KIF20A: variants seen among roughly 807,000 people sequenced by gnomAD.
The protein encoded by KIF20A is kinesin family member 20A.
In KIF20A, 66 loss-of-function variants were observed where a neutral mutation model predicts 113.0. That is an observed-to-expected ratio of 0.58 (90% confidence interval 0.48 to 0.72). The LOEUF is 0.72. KIF20A is among the 30% of genes least tolerant of loss of function. KIF20A has a pLI of 0.00. For synonymous variants in KIF20A, 376 were observed against 402.3 expected (o/e 0.93, Z 0.78); for missense variants, 927 against 1,077.6 (o/e 0.86, Z 1.96).
At position 138,184,021 on chromosome 5, in the gene KIF20A, G is replaced by A. The variant is rs1452311948; in HGVS notation, c.1268G>A (p.Arg423Gln). The change falls in exon 11 of 19, where the codon CGG becomes CAG. Residue 423 changes from arginine (R) to glutamine (Q), a missense_variant. By Grantham distance (43) the Arg-to-Gln change is conservative. Coordinates refer to ENST00000394894, the MANE Select transcript of KIF20A (RefSeq NM_005733.3). Reference sequence around the variant, plus strand: ...TGCAAAGATCAGAAGAGTGGTGAACGGTTGAAGGAAGCAGGAAACATTAAC... The same window carrying A: ...TGCAAAGATCAGAAGAGTGGTGAACAGTTGAAGGAAGCAGGAAACATTAAC... ...ERCKDQKSGE[R>Q]LKEAGNINTS... The A allele has an allele frequency of 3.1e-6, 5 of 1,614,166 alleles. No individual in the cohort carries two copies. Among genetic ancestry groups the A allele is most frequent in the South Asian group, 1.1e-5 (1 of 91,076 alleles).
chr5:138,180,573 A>G (rs930101480), intron 2 of KIF20A, among the ~76,000 whole-genome samples: 6 of 152,196 alleles, frequency 3.9e-5, no homozygotes, highest in African/African-American at 1.4e-4. Flanking sequence ...ATAAAGTTCC[A>G]TGAGAGCATG....
At position 138,184,040 on chromosome 5, in the gene KIF20A, C is replaced by T; in HGVS notation, c.1287C>T (p.Asn429=). 6.2e-7 allele frequency: 1 copy of T among 1,614,176 alleles called. No individual in the cohort carries two copies. The highest frequency in any genetic ancestry group is 1.1e-5 in the South Asian group (1 of 91,084). ...KSGERLKEAG[N]INTSLHTLGR... ...GTGAACGGTTGAAGGAAGCAGGAAA[C>T]ATTAACACCTCTCTACACACCCTGG... The change falls in exon 11 of 19, where the codon AAC becomes AAT. Residue 429 remains asparagine, a synonymous_variant. Transcript: ENST00000394894.
At position 138,182,605 on chromosome 5, in the gene KIF20A, G is replaced by A; in HGVS notation, c.534G>A (p.Gly178=). The A allele has an allele frequency of 6.2e-7, 1 of 1,614,146 alleles. No individual in the cohort carries two copies. Among genetic ancestry groups the A allele is most frequent in the Non-Finnish European group, 8.5e-7 (1 of 1,180,030 alleles). The stretch of plus-strand genomic sequence containing the variant: ...CTCCAGGTACCATCAAGGATGGAGG[G>A]ATTCTCCCCCGGTCCCTGGCGCTGA... ...HTIQGTIKDG[G]ILPRSLALIF... The change falls in exon 6 of 19, where the codon GGG becomes GGA. Residue 178 remains glycine, a synonymous_variant. Coordinates refer to ENST00000394894, the MANE Select transcript of KIF20A (RefSeq NM_005733.3).
chr5:138,179,554 G>A, intron 1 of KIF20A, 106 bp from the exon 2 acceptor site: 1 of 796,568 alleles, frequency 1.3e-6, no homozygotes, highest in Non-Finnish European at 2.0e-6. Context: ...AAAGAAGTAG[G>A]AAGCGGGACA....
intron 1 of KIF20A, 21 bp from the exon 2 acceptor site, chr5:138,179,639 C>G (rs1436313812): frequency 1.2e-6 from 2 of 1,610,720 alleles, no homozygotes; most frequent in South Asian, 2.2e-5. Context: ...TCTCCCTGCC[C>G]ACTTTTTGGT....
chr5:138,182,802 G>A (rs761609237), intron 6 of KIF20A, 29 bp downstream of exon 6: 2 of 1,613,546 alleles, frequency 1.2e-6, no homozygotes, highest in Admixed American at 1.7e-5. Context: ...TGGCAGTGGG[G>A]GTAGGGGGTA....
intron 11 of KIF20A, 31 bp downstream of exon 11, chr5:138,184,136 G>C: frequency 6.2e-7 from 1 of 1,613,392 alleles, no homozygotes; most frequent in South Asian, 1.1e-5. Context: ...CCTGGGCTCT[G>C]CAATTTGCTA....
intron 14 of KIF20A, 60 bp downstream of exon 14, chr5:138,185,006 G>C: frequency 6.2e-7 from 1 of 1,601,614 alleles, no homozygotes; most frequent in Non-Finnish European, 8.5e-7. Context: ...GAAGTAAGGA[G>C]TTAGGTGGAG....
At chr5:138,186,154 C>A in intron 17 of KIF20A, 102 bp downstream of exon 17, 1 of 1,496,786 alleles carries the variant, frequency 6.7e-7, no homozygotes. Context: ...GTTTTTTGTG[C>A]ACAGTTCTGG....
intron 18 of KIF20A, among the ~76,000 whole-genome samples, chr5:138,186,674 T>G (rs896555608): frequency 6.6e-6 from 1 of 152,232 alleles, no homozygotes; most frequent in African/African-American, 2.4e-5. Flanking sequence ...TACTGTCATA[T>G]TTCATCTAAG....
At chr5:138,187,054 C>T in intron 18 of KIF20A, 42 bp from the exon 19 acceptor site, 1 of 1,491,284 alleles carries the variant, frequency 6.7e-7, no homozygotes. Context: ...CTCTAATATA[C>T]CAGACAAAAG....
At position 138,184,637 on chromosome 5, in the gene KIF20A, T is replaced by C. The variant is rs1754715339; in HGVS notation, c.1644T>C (p.Asp548=). 2 of 1,614,064 alleles carry C rather than the reference T, an allele frequency of 1.2e-6. No homozygotes were observed. Among genetic ancestry groups the C allele is most frequent in the South Asian group, 1.1e-5 (1 of 91,088 alleles). The change falls in exon 13 of 19, where the codon GAT becomes GAC. Residue 548 remains aspartate (D), a synonymous_variant. Coordinates refer to ENST00000394894, the MANE Select transcript of KIF20A (RefSeq NM_005733.3). ...AGGCAGACACAGGCCTTGATGATGA[T>C]ATTGAAAATGAAGCTGACATCTCCA... ...GAKADTGLDD[D]IENEADISMY...
Position 138,186,384 on chromosome 5 carries a change from A to G in KIF20A, c.2308A>G (p.Lys770Glu). 6.2e-7 allele frequency: 1 copy of G among 1,610,602 alleles called. No homozygotes were observed. The highest frequency in any genetic ancestry group is 8.5e-7 in the Non-Finnish European group (1 of 1,179,264). ...RACCHSTGAG[K>E]LRQALTTCDD... ...TTGTTGCCACAGCACTGGGGCAGGA[A>G]AACTTCGTCAAGCCTTGACCACTTG... Residue 770 changes from lysine (K) to glutamate (E), a missense_variant, in exon 18 of 19, where the codon AAA (lysine) becomes GAA (glutamate). Coordinates refer to ENST00000394894, the MANE Select transcript of KIF20A (RefSeq NM_005733.3).
chr5:138,186,047 C>T lies in KIF20A; in HGVS notation c.2212C>T (p.Gln738Ter). ...IDVDKKLEEG[Q>*]KNIRLLRTEL... ...TGTGGACAAGAAGTTAGAAGAGGGC[C>T]AGAAGGTAATTACCACCATTCTCTG... The change falls in exon 17 of 19, where the codon CAG becomes TAG. Residue 738 changes from glutamine to a stop codon, truncating the protein, a stop_gained. Coordinates refer to ENST00000394894, the MANE Select transcript of KIF20A (RefSeq NM_005733.3). LOFTEE classifies it high-confidence loss of function. 6.2e-7 allele frequency: 1 copy of T among 1,613,480 alleles called. No homozygotes were observed. Among genetic ancestry groups the T allele is most frequent in the Non-Finnish European group, 8.5e-7 (1 of 1,179,578 alleles).
Position 138,184,287 on chromosome 5 carries a change from G to A in KIF20A, c.1401G>A (p.Val467=), listed in dbSNP as rs1410416325. The A allele has an allele frequency of 2.5e-6, 4 of 1,614,172 alleles. No individual in the cohort carries two copies. In the South Asian group the frequency reaches 4.4e-5, roughly 18 times the overall value. Residue 467 remains valine (V), a synonymous_variant, in exon 12 of 19, where the codon GTG becomes GTA. Coordinates refer to ENST00000394894, the MANE Select transcript of KIF20A (RefSeq NM_005733.3). ...VPFRDSKLTR[V]FQGFFTGRGR... ...TCCGTGACAGCAAGTTGACTCGAGT[G>A]TTCCAAGGTTTCTTCACAGGCCGAG...
At chr5:138,179,573 T>C in intron 1 of KIF20A, 87 bp from the exon 2 acceptor site, 2 of 1,027,098 alleles carry the variant, frequency 1.9e-6, no homozygotes, top group Admixed American at 4.1e-5. Context: ...CACGGTGTCC[T>C]GGGGCAAGGG....
chr5:138,182,307 C>A lies in KIF20A; in HGVS notation c.376-16C>A, dbSNP rs764748938. On this transcript the variant is annotated splice_polypyrimidine_tract_variant and intron_variant, in intron 4 of 18. Coordinates refer to ENST00000394894, the MANE Select transcript of KIF20A (RefSeq NM_005733.3). ...AGATGAAGGAGAGGCCTCTAAAAAA[C>A]TGGGTCTCTCTCTAGATCTTTGGGC... The A allele has an allele frequency of 5.0e-6, 8 of 1,608,564 alleles. No individual in the cohort carries two copies. In the African/African-American group the frequency reaches 1.1e-4, roughly 22 times the overall value.
rs199628808 is a variant in KIF20A, at chr5:138,183,995, C to G, written c.1242C>G (p.Arg414=). 6 of 1,614,172 alleles carry G rather than the reference C, an allele frequency of 3.7e-6. No homozygotes were observed. In the East Asian group the frequency reaches 1.3e-4, roughly 36 times the overall value. Residue 414 remains arginine, a synonymous_variant, in exon 11 of 19, where the codon CGC becomes CGG. Coordinates refer to ENST00000394894, the MANE Select transcript of KIF20A (RefSeq NM_005733.3). This position sits in a 1 kb window ranked among gnomAD's most constrained non-coding sequence, Gnocchi z 5.2. The stretch of plus-strand genomic sequence containing the variant: ...TCTGTGATCTGGCTGGCTCAGAGCG[C>G]TGCAAAGATCAGAAGAGTGGTGAAC... ...LSLCDLAGSE[R]CKDQKSGERL...
rs1430962636 is a variant in KIF20A at position 138,186,031 on chromosome 5, G to A, written c.2196G>A (p.Lys732=). 1.2e-6 allele frequency: 2 copies of A among 1,614,014 alleles called. No individual in the cohort carries two copies. Among genetic ancestry groups the A allele is most frequent in the Non-Finnish European group, 1.7e-6 (2 of 1,179,962 alleles). Residue 732 remains lysine (K), a synonymous_variant, in exon 17 of 19, where the codon AAG becomes AAA. Transcript: ENST00000394894. ...SAKPFTIDVD[K]KLEEGQKNIR... ...AGCCCTTCACCATTGATGTGGACAA[G>A]AAGTTAGAAGAGGGCCAGAAGGTAA...
Sources: gnomAD v4.1 joint callset for allele counts (sites outside exome capture counted in the v4.1 genomes callset) on GRCh38, gnomAD v4.1.1 for gene constraint, Gnocchi (gnomAD v3.1) non-coding constraint, MANE v1.5 for transcripts, NCBI Gene and HGNC (gene_info 2026-07-23, HGNC 2026-07-21) for gene names.